Variants in LDLRAP1 observed in about 807,000 individuals in gnomAD.
LDLRAP1 encodes low density lipoprotein receptor adaptor protein 1, also known as low density lipoprotein receptor adapter protein 1.
In LDLRAP1, 30 loss-of-function variants were observed where a neutral mutation model predicts 37.8. The ratio of observed to expected loss-of-function variants is 0.79; its 90% CI spans 0.59 to 1.08. The LOEUF (loss-of-function observed/expected upper bound fraction) is 1.08, where lower values mean the gene tolerates loss of function less well. LDLRAP1 is among the 50% of genes least tolerant of loss of function. LDLRAP1 has a pLI of 0.00. For synonymous variants in LDLRAP1, 156 were observed against 169.8 expected (o/e 0.92, Z 0.63); for missense variants, 375 against 401.6 (o/e 0.93, Z 0.57).
In LDLRAP1 at chr1:25,567,020, G is replaced by T; in HGVS notation, c.*28G>T. 1 of 1,612,804 alleles carries T rather than the reference G, an allele frequency of 6.2e-7. No individual in the cohort carries two copies. On this transcript the variant is annotated 3_prime_UTR_variant, in exon 9 of 9. Coordinates refer to ENST00000374338, the MANE Select transcript of LDLRAP1 (RefSeq NM_015627.3). ...GCCCGGGGCCAGCCGGACACAAGCG[G>T]CCCTGACACGTGATGGACCAAAGCC...
downstream of LDLRAP1, among the ~76,000 whole-genome samples, chr1:25,570,988 A>G (rs1178350869): frequency 6.6e-6 from 1 of 152,334 alleles, no homozygotes; most frequent in East Asian, 1.9e-4. Context: ...CTGATGAGGC[A>G]GCTGAGGGTG....
rs1189294902 is a variant in LDLRAP1, at chr1:25,544,443, A to G, written c.88+657A>G. On this transcript the variant is annotated intron_variant, in intron 1 of 8. Transcript: ENST00000374338. The surrounding 1 kb of genome is among the most constrained non-coding windows in gnomAD (Gnocchi z 4.8). Reference sequence around the variant, plus strand: ...TACGTCCCTTCCTCTAGCCGGGTCCAGGTGGCAAGCCTGGCGTCCCGACTA... The same window carrying G: ...TACGTCCCTTCCTCTAGCCGGGTCCGGGTGGCAAGCCTGGCGTCCCGACTA... 6.6e-6 allele frequency among the ~76,000 whole-genome samples: 1 copy of G among 152,192 alleles called. No homozygotes were observed. Among genetic ancestry groups the G allele is most frequent in the African/African-American group, 2.4e-5 (1 of 41,456 alleles).
the LDLRAP1 span, among the ~76,000 whole-genome samples, chr1:25,575,452 G>C: frequency 7.2e-6 from 1 of 138,044 alleles, no homozygotes; most frequent in Admixed American, 7.2e-5. Context: ...AAAACCAGCT[G>C]TGCATGGTGG....
the LDLRAP1 span, among the ~76,000 whole-genome samples, chr1:25,584,123 G>T: frequency 1.3e-5 from 2 of 152,192 alleles, no homozygotes; most frequent in East Asian, 3.9e-4. Flanking sequence ...CGTGGCAGGT[G>T]TCTGAACGCT....
rs992705154 is a variant in LDLRAP1, at chr1:25,544,197, C to T, written c.88+411C>T. ...GGCGCAGGGGCTTGGGAAGACGCCC[C>T]CGTCCCGCACCCCTGCGCCCCAGCC... On this transcript the variant is annotated intron_variant, in intron 1 of 8. Coordinates refer to ENST00000374338, the MANE Select transcript of LDLRAP1 (RefSeq NM_015627.3). The surrounding 1 kb of genome is among the most constrained non-coding windows in gnomAD (Gnocchi z 4.8). Among the ~76,000 whole-genome samples the T allele has an allele frequency of 6.6e-6, 1 of 152,100 alleles. No individual in the cohort carries two copies.
At chr1:25,557,845 G>A (rs2044245357) in intron 4 of LDLRAP1, among the ~76,000 whole-genome samples, 1 of 152,124 alleles carries the variant, frequency 6.6e-6, no homozygotes, top group African/African-American at 2.4e-5. Flanking sequence ...TAATTCTCAC[G>A]GCTCTGCAAG....
At chr1:25,547,767 T>C (rs2043973074) in intron 1 of LDLRAP1, among the ~76,000 whole-genome samples, 1 of 152,028 alleles carries the variant, frequency 6.6e-6, no homozygotes, top group Non-Finnish European at 1.5e-5. Flanking sequence ...GCAGGGAGGA[T>C]AAGGGCGGCC....
intron 3 of LDLRAP1, among the ~76,000 whole-genome samples, chr1:25,556,789 CAG>C (rs1260708078): frequency 6.6e-6 from 1 of 152,226 alleles, no homozygotes; most frequent in Non-Finnish European, 1.5e-5. Context: ...GAACCCGTCT[CAG>C]AGGGTAGCTT....
chr1:25,560,796 C>T (rs976526906), intron 4 of LDLRAP1, among the ~76,000 whole-genome samples: 14 of 152,238 alleles, frequency 9.2e-5, no homozygotes, highest in African/African-American at 3.4e-4. Flanking sequence ...ATAAGGCAGA[C>T]CCGAAGGCCA....
At chr1:25,549,302 C>CT (rs2044013190) in intron 1 of LDLRAP1, among the ~76,000 whole-genome samples, 2 of 152,202 alleles carry the variant, frequency 1.3e-5, no homozygotes, top group Non-Finnish European at 2.9e-5. Flanking sequence ...CTGAGGCCAT[C>CT]TCCCCACCAG....
chr1:25,588,260 G>A, the LDLRAP1 span, among the ~76,000 whole-genome samples: 7 of 152,288 alleles, frequency 4.6e-5, no homozygotes, highest in African/African-American at 7.2e-5. Flanking sequence ...CCCCCGGCCC[G>A]ACACCTGTAA....
In LDLRAP1 at chr1:25,565,984, G is replaced by A. The variant is rs562929055; in HGVS notation, c.782+777G>A. Among the ~76,000 whole-genome samples the A allele has an allele frequency of 9.2e-5, 14 of 152,236 alleles. No homozygotes were observed. The East Asian group carries it at 2.7e-3, about 29-fold the overall frequency. On this transcript the variant is annotated intron_variant, in intron 8 of 8. Transcript: ENST00000374338. ...CCTTCCTCTTCCTTGCCTCCTTCTT[G>A]CCAGGGACTAGTGGAAACCCCTTGG...
At chr1:25,561,687 T>C (rs905724678) in intron 4 of LDLRAP1, among the ~76,000 whole-genome samples, 1 of 151,834 alleles carries the variant, frequency 6.6e-6, no homozygotes, top group Non-Finnish European at 1.5e-5. Context: ...GAGAGGAAGG[T>C]GTTGAGATGA....
At position 25,567,427 on chromosome 1, in the gene LDLRAP1, A is replaced by G. The variant is rs1448105558; in HGVS notation, c.*435A>G. 4.2e-5 allele frequency: 12 copies of G among 284,894 alleles called. No homozygotes were observed. In the East Asian group the frequency reaches 1.1e-3, roughly 26 times the overall value. 17.6% of individuals were successfully genotyped at this position (284,894 alleles called of 1,614,324 possible). A position where few individuals can be genotyped will look rare whatever the true frequency, so the allele number is the denominator to read the frequency against. ...CATCCTGCTTCCTGAAAGCTGTTGG[A>G]TTTCAGTGATTTTTCCCCCCACCCC... On this transcript the variant is annotated 3_prime_UTR_variant, in exon 9 of 9. Transcript: ENST00000374338.
chr1:25,559,651 C>T (rs1572045225), intron 4 of LDLRAP1, among the ~76,000 whole-genome samples: 1 of 152,248 alleles, frequency 6.6e-6, no homozygotes, highest in Non-Finnish European at 1.5e-5. Flanking sequence ...CTCTCCAAGA[C>T]AGCGCAGCCC....
intron 4 of LDLRAP1, among the ~76,000 whole-genome samples, chr1:25,557,593 G>A (rs1461475833): frequency 6.6e-6 from 1 of 152,154 alleles, no homozygotes; most frequent in African/African-American, 2.4e-5. Context: ...GTCTAGGGAT[G>A]CAGGGCCTTC....
the LDLRAP1 span, among the ~76,000 whole-genome samples, chr1:25,574,132 C>A: frequency 6.6e-6 from 1 of 152,122 alleles, no homozygotes; most frequent in African/African-American, 2.4e-5. Context: ...CCTGAGAGGG[C>A]AAAGAGCAAG....
the LDLRAP1 span, among the ~76,000 whole-genome samples, chr1:25,589,883 A>C: frequency 6.6e-6 from 1 of 152,210 alleles, no homozygotes; most frequent in Admixed American, 6.5e-5. Flanking sequence ...CGAGCGGATC[A>C]TGAGGTCAAG....
At chr1:25,575,069 G>A in the LDLRAP1 span, among the ~76,000 whole-genome samples, 1,057 of 152,288 alleles carry the variant, frequency 6.9e-3, 14 homozygotes, top group African/African-American at 0.023. Context: ...ACGACTCACC[G>A]TCCCGGTCCC....
Sources: allele counts gnomAD v4.1 joint callset (sites outside exome capture counted in the v4.1 genomes callset), GRCh38; gene constraint gnomAD v4.1.1; non-coding constraint Gnocchi (gnomAD v3.1); transcripts MANE v1.5; gene names NCBI Gene and HGNC (gene_info 2026-07-23, HGNC 2026-07-21).